Variants in WWOX observed in about 807,000 individuals in gnomAD.
WWOX encodes the protein WW domain containing oxidoreductase.
Under a neutral mutation model 46.2 loss-of-function variants are expected in WWOX, and 69 were observed. That is an observed-to-expected ratio of 1.49 (90% CI 1.23 to 1.82). The LOEUF is 1.82. Ranked by LOEUF, WWOX falls within the 40% of genes most tolerant of loss-of-function variation. WWOX has a pLI of 0.00. For synonymous variants in WWOX, 359 were observed against 202.6 expected (o/e 1.77, Z -6.56); for missense variants, 919 against 542.6 (o/e 1.69, Z -6.89).
At chr16:78,210,434 C>G (rs182163002) in intron 5 of WWOX, among the ~76,000 whole-genome samples, 13 of 152,246 alleles carry the variant, frequency 8.5e-5, no homozygotes, top group African/African-American at 9.6e-5. Flanking sequence ...CTGCTGGTCT[C>G]TTTGGAAGGC....
rs373693012 is a variant in WWOX, at chr16:78,981,148, T to C, written c.1057-230460T>C. On this transcript the variant is annotated intron_variant, in intron 8 of 8. Transcript: ENST00000566780. ...CCAGTGTCCTAGCTGGGAGGACCGT[T>C]GTACTGCAGCACTTTCCTAAACTCT... Among the ~76,000 whole-genome samples the C allele has an allele frequency of 1.1e-3, 174 of 152,280 alleles. 3 individuals carry two copies. In the South Asian group the frequency reaches 0.026, roughly 23 times the overall value.
intron 8 of WWOX, among the ~76,000 whole-genome samples, chr16:78,702,151 G>T (rs2048238643): frequency 7.5e-6 from 1 of 133,290 alleles, no homozygotes; most frequent in African/African-American, 3.5e-5. Flanking sequence ...ATGGTGGCAT[G>T]CAACTGCAGT....
chr16:78,578,430 T>C (rs1304968504), intron 8 of WWOX, among the ~76,000 whole-genome samples: 1 of 149,530 alleles, frequency 6.7e-6, no homozygotes, highest in Non-Finnish European at 1.5e-5. Context: ...GCTGGCACTA[T>C]AGGCGCCCAC....
At chr16:78,375,793 C>G (rs2081807181) in intron 5 of WWOX, among the ~76,000 whole-genome samples, 1 of 149,484 alleles carries the variant, frequency 6.7e-6, no homozygotes, top group Non-Finnish European at 1.5e-5. Context: ...CAAAACAAAA[C>G]AAAATTGGAA....
chr16:78,930,969 A>G (rs1405412815), intron 8 of WWOX, among the ~76,000 whole-genome samples: 3 of 152,178 alleles, frequency 2.0e-5, no homozygotes, highest in Non-Finnish European at 2.9e-5. Flanking sequence ...ACATGTCACT[A>G]GCAGCCTCAG....
intron 8 of WWOX, among the ~76,000 whole-genome samples, chr16:79,138,732 T>C (rs367625803): frequency 2.0e-5 from 3 of 152,300 alleles, no homozygotes; most frequent in East Asian, 3.9e-4. Flanking sequence ...TGCCCTGCTG[T>C]TAATTAGACT....
intron 8 of WWOX, among the ~76,000 whole-genome samples, chr16:78,859,272 T>G (rs1416689079): frequency 2.0e-5 from 3 of 151,484 alleles, no homozygotes; most frequent in Non-Finnish European, 4.4e-5. Context: ...GAAAGGGAAG[T>G]GGAGAAGGCA....
intron 6 of WWOX, among the ~76,000 whole-genome samples, chr16:78,391,596 C>T (rs1258346170): frequency 1.3e-5 from 2 of 152,160 alleles, no homozygotes; most frequent in African/African-American, 2.4e-5. Flanking sequence ...ACATGTAATC[C>T]CAGCACCTGG....
At chr16:78,830,301 TAAG>T (rs140685910) in intron 8 of WWOX, among the ~76,000 whole-genome samples, 22,893 of 143,042 alleles carry the variant, frequency 0.16, 1,784 homozygotes, top group Admixed American at 0.24. Context: ...ATTTTCATAA[TAAG>T]CATATTTATA....
intron 8 of WWOX, among the ~76,000 whole-genome samples, chr16:78,684,900 C>T (rs1429532798): frequency 1.3e-5 from 2 of 152,168 alleles, no homozygotes; most frequent in Non-Finnish European, 2.9e-5. Flanking sequence ...TAGGAACACT[C>T]ATAGTATGTA....
At chr16:79,096,249 T>G (rs1321493747) in intron 8 of WWOX, among the ~76,000 whole-genome samples, 1 of 152,026 alleles carries the variant, frequency 6.6e-6, no homozygotes, top group Non-Finnish European at 1.5e-5. Context: ...AACCAGAATC[T>G]CCTTTGAAAA....
intron 8 of WWOX, among the ~76,000 whole-genome samples, chr16:78,677,569 C>T (rs1230610604): frequency 6.6e-6 from 1 of 152,170 alleles, no homozygotes; most frequent in Non-Finnish European, 1.5e-5. Flanking sequence ...TCCTTTCAGA[C>T]ATGCAACCCC....
At chr16:78,124,786 T>G (rs1314489599) in intron 4 of WWOX, among the ~76,000 whole-genome samples, 1 of 152,182 alleles carries the variant, frequency 6.6e-6, no homozygotes, top group Non-Finnish European at 1.5e-5. Context: ...TTTTTGTGAT[T>G]TTTGGAGCCT....
At chr16:78,771,628 C>T (rs57719674) in intron 8 of WWOX, among the ~76,000 whole-genome samples, 10 of 152,014 alleles carry the variant, frequency 6.6e-5, no homozygotes, top group Middle Eastern at 3.4e-3. Flanking sequence ...AAAAATTGGG[C>T]GGGCATTGTG....
chr16:78,869,429 A>G (rs567412663), intron 8 of WWOX, among the ~76,000 whole-genome samples: 18 of 152,344 alleles, frequency 1.2e-4, no homozygotes, highest in African/African-American at 3.8e-4. Flanking sequence ...TGCCTGGACT[A>G]CAGTCACCAA....
intron 4 of WWOX, among the ~76,000 whole-genome samples, chr16:78,138,006 G>A (rs959725461): frequency 4.0e-5 from 6 of 150,712 alleles, no homozygotes; most frequent in Non-Finnish European, 7.4e-5. Flanking sequence ...ACAGAACCTC[G>A]CTCAAGGAAA....
At chr16:78,258,031 A>T (rs2038178176) in intron 5 of WWOX, among the ~76,000 whole-genome samples, 1 of 152,202 alleles carries the variant, frequency 6.6e-6, no homozygotes, top group Admixed American at 6.5e-5. Flanking sequence ...TGTAAGTATG[A>T]TGTAGGAAAA....
chr16:78,875,099 C>G (rs533113255), intron 8 of WWOX, among the ~76,000 whole-genome samples: 8 of 152,222 alleles, frequency 5.3e-5, no homozygotes, highest in African/African-American at 1.7e-4. Context: ...CCAGCAGACT[C>G]GGTGGATTCT....
intron 5 of WWOX, among the ~76,000 whole-genome samples, chr16:78,375,511 G>C (rs1226786147): frequency 6.6e-6 from 1 of 152,228 alleles, no homozygotes; most frequent in Non-Finnish European, 1.5e-5. Context: ...TCAGGTATTA[G>C]AGACACAGAT....
Sources: gnomAD v4.1 joint callset for allele counts (sites outside exome capture counted in the v4.1 genomes callset) on GRCh38, gnomAD v4.1.1 for gene constraint, MANE v1.5 for transcripts, NCBI Gene and HGNC (gene_info 2026-07-23, HGNC 2026-07-21) for gene names.